ARHGEF28: variants seen among roughly 807,000 people sequenced by gnomAD.
ARHGEF28 encodes the protein Rho guanine nucleotide exchange factor 28.
A neutral mutation model predicts 206.6 loss-of-function variants in ARHGEF28; 152 were observed. The ratio of observed to expected loss-of-function variants is 0.74; its 90% confidence interval spans 0.64 to 0.84. The LOEUF (loss-of-function observed/expected upper bound fraction) is 0.84. ARHGEF28 is among the 40% of genes least tolerant of loss of function. ARHGEF28 has a pLI of 0.00. For missense variants in ARHGEF28, 2,028 were observed against 2,073.2 expected, an observed-to-expected ratio of 0.98 and a Z score of 0.42; for synonymous variants, 763 against 776.4, an observed-to-expected ratio of 0.98 and a Z score of 0.29.
chr5:73,776,759 C>A, intron 6 of ARHGEF28, 63 bp downstream of exon 6: 1 of 1,451,464 alleles, frequency 6.9e-7, no homozygotes, highest in Non-Finnish European at 9.3e-7. Context: ...GCATCAATTT[C>A]TTATTATGAG....
intron 9 of ARHGEF28, among the ~76,000 whole-genome samples, chr5:73,804,255 C>T (rs939906229): frequency 1.3e-5 from 2 of 152,202 alleles, no homozygotes; most frequent in South Asian, 4.1e-4. Context: ...CAAATGGAAA[C>T]CTCTCAGGGA....
At chr5:73,733,526 T>A (rs897552669) in intron 2 of ARHGEF28, among the ~76,000 whole-genome samples, 5 of 152,134 alleles carry the variant, frequency 3.3e-5, no homozygotes, top group Non-Finnish European at 7.3e-5. Flanking sequence ...GTTAGTACAT[T>A]CTTGCATTGC....
intron 2 of ARHGEF28, among the ~76,000 whole-genome samples, chr5:73,714,353 T>A (rs879403589): frequency 6.6e-6 from 1 of 152,062 alleles, no homozygotes; most frequent in African/African-American, 2.4e-5. Context: ...CTTTTTCGAG[T>A]TTTTGAATAA....
chr5:73,663,544 C>T (rs1268163342), intron 1 of ARHGEF28, among the ~76,000 whole-genome samples: 4 of 152,144 alleles, frequency 2.6e-5, no homozygotes, highest in African/African-American at 9.7e-5. Flanking sequence ...CTTTTCAGTC[C>T]TTGTCTTTCT....
chr5:73,829,236 A>G (rs10474403), intron 9 of ARHGEF28, among the ~76,000 whole-genome samples: 117,569 of 152,254 alleles, frequency 0.77, 45,758 homozygotes, highest in East Asian at 0.93. Context: ...ATTTTCTTTC[A>G]ATCATTCTGT....
chr5:73,825,917 G>A (rs1756879690), intron 9 of ARHGEF28, among the ~76,000 whole-genome samples: 1 of 152,072 alleles, frequency 6.6e-6, no homozygotes, highest in Admixed American at 6.5e-5. Flanking sequence ...CTGGACATCT[G>A]GACTGGAGTT....
chr5:73,774,155 C>T, intron 5 of ARHGEF28, 117 bp downstream of exon 5: 3 of 884,900 alleles, frequency 3.4e-6, no homozygotes, highest in South Asian at 2.0e-5. Context: ...ACTGTTAGCT[C>T]TCATGCATAT....
intron 1 of ARHGEF28, among the ~76,000 whole-genome samples, chr5:73,662,126 C>T (rs531105002): frequency 6.6e-6 from 1 of 152,310 alleles, no homozygotes; most frequent in Admixed American, 6.5e-5. Flanking sequence ...ATTTCTTTTC[C>T]AGAACAGGTA....
intron 2 of ARHGEF28, among the ~76,000 whole-genome samples, chr5:73,738,328 A>G (rs902169726): frequency 2.9e-4 from 44 of 152,258 alleles, no homozygotes; most frequent in African/African-American, 9.4e-4. Context: ...GTTTGCTGTA[A>G]TGTAAGGGGT....
At chr5:73,659,257 A>G (rs764511211) in intron 1 of ARHGEF28, among the ~76,000 whole-genome samples, 1 of 152,218 alleles carries the variant, frequency 6.6e-6, no homozygotes, top group Non-Finnish European at 1.5e-5. Flanking sequence ...GCACTAGTGA[A>G]CAAGATAGGT....
intron 29 of ARHGEF28, among the ~76,000 whole-genome samples, chr5:73,895,124 G>A (rs1167261302): frequency 6.6e-6 from 1 of 152,170 alleles, no homozygotes; most frequent in Non-Finnish European, 1.5e-5. Context: ...GGGATGGGAA[G>A]CATTAGAGAA....
intron 1 of ARHGEF28, among the ~76,000 whole-genome samples, chr5:73,679,926 G>A (rs1678740356): frequency 6.6e-6 from 1 of 152,132 alleles, no homozygotes; most frequent in South Asian, 2.1e-4. Context: ...CCACATTGGA[G>A]TTCTTATTTC....
chr5:73,872,155 T>A (rs551821220), intron 21 of ARHGEF28, among the ~76,000 whole-genome samples: 1 of 152,300 alleles, frequency 6.6e-6, no homozygotes, highest in South Asian at 2.1e-4. Flanking sequence ...AATACCTGTT[T>A]GTTGCTTTTT....
At chr5:73,873,994 T>A (rs2112645813) in intron 22 of ARHGEF28, among the ~76,000 whole-genome samples, 1 of 152,344 alleles carries the variant, frequency 6.6e-6, no homozygotes, top group African/African-American at 2.4e-5. Context: ...TCATCAACAC[T>A]GTACAAGTAA....
At chr5:73,922,092 G>A (rs1763551294) in intron 35 of ARHGEF28, among the ~76,000 whole-genome samples, 1 of 152,206 alleles carries the variant, frequency 6.6e-6, no homozygotes, top group Non-Finnish European at 1.5e-5. Flanking sequence ...GTCCTCAGAA[G>A]CCTTAAGACT....
chr5:73,709,087 T>C (rs1749102439), intron 2 of ARHGEF28, among the ~76,000 whole-genome samples: 1 of 152,244 alleles, frequency 6.6e-6, no homozygotes, highest in South Asian at 2.1e-4. Context: ...GGTCAGCTCC[T>C]TTCTTTACAA....
At chr5:73,725,556 GT>G (rs1263748316) in intron 2 of ARHGEF28, among the ~76,000 whole-genome samples, 1 of 152,162 alleles carries the variant, frequency 6.6e-6, no homozygotes, top group African/African-American at 2.4e-5. Context: ...ATCTTCTTAA[GT>G]GAAATTAAGG....
intron 1 of ARHGEF28, among the ~76,000 whole-genome samples, chr5:73,674,671 A>C (rs1278185263): frequency 6.6e-6 from 1 of 152,254 alleles, no homozygotes; most frequent in Admixed American, 6.5e-5. Flanking sequence ...CACAGGAAAG[A>C]CTAAGGGAAG....
Position 73,834,404 on chromosome 5 carries a change from A to G in ARHGEF28, c.1146+1945A>G, listed in dbSNP as rs116465931. On this transcript the variant is annotated intron_variant, in intron 10 of 35. Coordinates refer to ENST00000513042, the MANE Select transcript of ARHGEF28 (RefSeq NM_001177693.2). Reference sequence around the variant, plus strand: ...GTTTCTATGAGTTTGACATTTTTACATTCCACATATAAGTCAGATCATGCA... The same window carrying G: ...GTTTCTATGAGTTTGACATTTTTACGTTCCACATATAAGTCAGATCATGCA... 2.5e-3 allele frequency among the ~76,000 whole-genome samples: 376 copies of G among 152,240 alleles called. 1 individual carries two copies. Among genetic ancestry groups the G allele is most frequent in the African/African-American group, 8.9e-3 (369 of 41,560 alleles).
Sources: gnomAD v4.1 joint callset for allele counts (sites outside exome capture counted in the v4.1 genomes callset) on GRCh38, gnomAD v4.1.1 for gene constraint, MANE v1.5 for transcripts, NCBI Gene and HGNC (gene_info 2026-07-23, HGNC 2026-07-21) for gene names.